The following WASHC3 variants were observed in gnomAD, a reference collection of about 807,000 sequenced individuals.
WASHC3 encodes the protein WASH complex subunit 3.
WASHC3 carries 24 observed loss-of-function variants against 26.1 expected under a neutral mutation model. That is an observed-to-expected ratio of 0.92 (90% CI 0.66 to 1.29). WASHC3 has a LOEUF of 1.29. WASHC3 is among the 50% of genes most tolerant of loss of function. The pLI is 0.00. For synonymous variants in WASHC3, 77 were observed against 75.7 expected (o/e 1.02, Z -0.09); for missense variants, 214 against 229.6 (o/e 0.93, Z 0.44).
chr12:102,048,823 T>C (rs1878272368), intron 2 of WASHC3, among the ~76,000 whole-genome samples: 1 of 152,192 alleles, frequency 6.6e-6, no homozygotes, highest in African/African-American at 2.4e-5. Context: ...TTTTATTCTA[T>C]CCACCTGAAA....
chr12:102,027,989 G>A (rs1877271786), intron 5 of WASHC3, among the ~76,000 whole-genome samples: 1 of 151,952 alleles, frequency 6.6e-6, no homozygotes, highest in Admixed American at 6.6e-5. Flanking sequence ...TGTTCCATGA[G>A]GCAATTTTAA....
intron 5 of WASHC3, among the ~76,000 whole-genome samples, chr12:102,035,844 C>G (rs929311393): frequency 6.6e-5 from 10 of 152,076 alleles, no homozygotes; most frequent in African/African-American, 1.9e-4. Flanking sequence ...AGGAAGAATA[C>G]CGGTAAAGTC....
chr12:102,058,435 A>C (rs1878675623), intron 2 of WASHC3, among the ~76,000 whole-genome samples: 1 of 152,158 alleles, frequency 6.6e-6, no homozygotes, highest in Non-Finnish European at 1.5e-5. Context: ...CACACTAAGA[A>C]GTTTGTAGAA....
At chr12:102,032,360 GCA>G (rs1340513632) in intron 5 of WASHC3, among the ~76,000 whole-genome samples, 7 of 152,128 alleles carry the variant, frequency 4.6e-5, no homozygotes, top group African/African-American at 1.7e-4. Context: ...CTTGCCCAAT[GCA>G]CAATTTATTA....
At chr12:102,059,028 T>A (rs1297256701) in intron 2 of WASHC3, among the ~76,000 whole-genome samples, 1 of 151,994 alleles carries the variant, frequency 6.6e-6, no homozygotes, top group East Asian at 1.9e-4. Context: ...AGTAGAATGG[T>A]GGTTAGCAGG....
At chr12:102,025,367 AT>A (rs922877153) in intron 6 of WASHC3, among the ~76,000 whole-genome samples, 102 of 151,728 alleles carry the variant, frequency 6.7e-4, no homozygotes, top group African/African-American at 2.1e-3. Flanking sequence ...CTGAGCCACA[AT>A]TTTTTTTTAT....
intron 6 of WASHC3, among the ~76,000 whole-genome samples, chr12:102,024,531 G>A (rs1877093351): frequency 6.6e-6 from 1 of 152,192 alleles, no homozygotes; most frequent in Non-Finnish European, 1.5e-5. Flanking sequence ...TGCTAGTGCA[G>A]GTAGCTGGCT....
At chr12:102,042,712 G>A (rs1877990517) in intron 4 of WASHC3, among the ~76,000 whole-genome samples, 2 of 152,180 alleles carry the variant, frequency 1.3e-5, no homozygotes, top group African/African-American at 4.8e-5. Flanking sequence ...AGTGTTAGCT[G>A]TTATCATCAC....
At chr12:102,055,938 A>C (rs1405741383) in intron 2 of WASHC3, among the ~76,000 whole-genome samples, 1 of 152,198 alleles carries the variant, frequency 6.6e-6, no homozygotes, top group Non-Finnish European at 1.5e-5. Flanking sequence ...TTAACACAAA[A>C]GAGCAAGTAC....
chr12:102,038,328 T>C (rs1877765095), intron 5 of WASHC3, among the ~76,000 whole-genome samples: 1 of 152,220 alleles, frequency 6.6e-6, no homozygotes, highest in African/African-American at 2.4e-5. Flanking sequence ...CTTATAAAAT[T>C]GAAGACAATT....
At chr12:102,014,474 C>T (rs1162276285) in intron 6 of WASHC3, among the ~76,000 whole-genome samples, 1 of 152,050 alleles carries the variant, frequency 6.6e-6, no homozygotes. Flanking sequence ...TCATATTCAC[C>T]ACAAACAGAA....
chr12:102,017,645 A>C, intron 6 of WASHC3: 3 of 319,950 alleles, frequency 9.4e-6, no homozygotes, highest in South Asian at 7.7e-5. Context: ...CAGGAGCAAT[A>C]GGTGGAAACT....
chr12:102,029,319 G>A (rs1594354351), intron 5 of WASHC3, among the ~76,000 whole-genome samples: 1 of 152,140 alleles, frequency 6.6e-6, no homozygotes, highest in East Asian at 1.9e-4. Flanking sequence ...TTTTTGGCAA[G>A]TGAAAATGAC....
intron 6 of WASHC3, among the ~76,000 whole-genome samples, chr12:102,024,603 G>A (rs1877096437): frequency 6.6e-6 from 1 of 152,176 alleles, no homozygotes; most frequent in Non-Finnish European, 1.5e-5. Context: ...CCAGTAGCAG[G>A]TAAAAGGCTT....
intron 2 of WASHC3, among the ~76,000 whole-genome samples, chr12:102,058,728 G>A (rs1878688395): frequency 1.3e-5 from 2 of 152,014 alleles, no homozygotes; most frequent in Admixed American, 6.5e-5. Flanking sequence ...TGTAAAATTA[G>A]TACATTCAAG....
At chr12:102,029,942 T>C (rs1877362207) in intron 5 of WASHC3, among the ~76,000 whole-genome samples, 1 of 152,164 alleles carries the variant, frequency 6.6e-6, no homozygotes. Flanking sequence ...AAAATTTAAC[T>C]TAATAAAATG....
chr12:102,030,094 G>A (rs1330287741), intron 5 of WASHC3, among the ~76,000 whole-genome samples: 2 of 151,968 alleles, frequency 1.3e-5, no homozygotes, highest in African/African-American at 4.8e-5. Flanking sequence ...TCGGGAGTTC[G>A]AGACCAGCCT....
At chr12:102,019,957 T>C (rs1236580045) in intron 6 of WASHC3, among the ~76,000 whole-genome samples, 1 of 152,176 alleles carries the variant, frequency 6.6e-6, no homozygotes, top group Non-Finnish European at 1.5e-5. Context: ...ATGAAGGTTG[T>C]CAACTAGAAT....
chr12:102,039,098 T>C, intron 5 of WASHC3, among the ~76,000 whole-genome samples: 1 of 149,642 alleles, frequency 6.7e-6, no homozygotes, highest in Non-Finnish European at 1.5e-5. Context: ...TAGCTGGCAC[T>C]ACCAGGTGCA....
Sources: allele counts gnomAD v4.1 joint callset (sites outside exome capture counted in the v4.1 genomes callset), GRCh38; gene constraint gnomAD v4.1.1; transcripts MANE v1.5; gene names NCBI Gene and HGNC (gene_info 2026-07-23, HGNC 2026-07-21).